Variants in USP34 observed in about 807,000 individuals in gnomAD.
USP34 encodes the protein ubiquitin carboxyl-terminal hydrolase 34.
In USP34, 70 loss-of-function variants were observed where a neutral mutation model predicts 460.3. That is an observed-to-expected ratio of 0.15 (90% CI 0.13 to 0.19). The LOEUF is 0.19. USP34 is among the 10% of genes least tolerant of loss of function. The pLI is 1.00. For synonymous variants in USP34, 1,647 were observed against 1,405.3 expected, an observed-to-expected ratio of 1.17 and a Z score of -3.85; for missense variants, 3,985 against 4,236.2, an observed-to-expected ratio of 0.94 and a Z score of 1.65.
At chr2:61,224,104 G>A (rs190049862) in intron 62 of USP34, among the ~76,000 whole-genome samples, 47 of 152,192 alleles carry the variant, frequency 3.1e-4, no homozygotes, top group Middle Eastern at 3.4e-3. Flanking sequence ...AATATCCAGC[G>A]TACACATTTC....
chr2:61,339,306 A>G (rs1691517976), intron 18 of USP34, 45 bp downstream of exon 18: 1 of 1,582,206 alleles, frequency 6.3e-7, no homozygotes, highest in Non-Finnish European at 8.6e-7. Context: ...CCCCACACCC[A>G]AATACTTTGA....
rs1173745320 is a variant in USP34 at position 61,378,405 on chromosome 2, T to C, written c.1034A>G (p.Asn345Ser). 16 of 1,594,486 alleles carry C rather than the reference T, an allele frequency of 1.0e-5. No homozygotes were observed. Among genetic ancestry groups the C allele is most frequent in the African/African-American group, 2.7e-5 (2 of 73,828 alleles). Residue 345 changes from asparagine to serine, a missense_variant, in exon 8 of 80, where the codon AAT becomes AGT. By Grantham distance (46) the Asn-to-Ser change is conservative. Around this residue, in one of 14 missense-constraint regions of USP34, gnomAD observed 716 missense variants for 626.2 expected, o/e 1.14. Coordinates refer to ENST00000398571, the MANE Select transcript of USP34 (RefSeq NM_014709.4). ...TAATGATTCATTATTGCACACATCA[T>C]TGAAGGTATGGAGTTGATTCTATGA... Reference protein sequence around the residue: ...SQITNQLHTFNDVCNNESLVS... With the variant: ...SQITNQLHTFSDVCNNESLVS...
At chr2:61,292,398 C>T (rs1689884838) in intron 33 of USP34, among the ~76,000 whole-genome samples, 1 of 152,062 alleles carries the variant, frequency 6.6e-6, no homozygotes, top group Non-Finnish European at 1.5e-5. Flanking sequence ...TACAATAAGC[C>T]ACATATTGGC....
At position 61,319,538 on chromosome 2, in the gene USP34, TAA is replaced by T. The variant is rs11361640; in HGVS notation, c.3014-213_3014-212del. Among the ~76,000 whole-genome samples, 668 of 146,514 alleles carry T rather than the reference TAA, an allele frequency of 4.6e-3. 2 individuals carry two copies. The highest frequency in any genetic ancestry group is 0.011 in the African/African-American group (443 of 39,988). Reference sequence around the variant, plus strand: ...TATGTTCCTACAGCATATTTATGATTAAAAAAAAAAAAAAGAATCACAGCAGC... The same window carrying T: ...TATGTTCCTACAGCATATTTATGATTAAAAAAAAAAAAGAATCACAGCAGC... On this transcript the variant is annotated intron_variant, in intron 21 of 79. Coordinates refer to ENST00000398571, the MANE Select transcript of USP34 (RefSeq NM_014709.4).
intron 10 of USP34, among the ~76,000 whole-genome samples, chr2:61,365,350 T>C (rs1009731392): frequency 6.6e-6 from 1 of 152,048 alleles, no homozygotes; most frequent in Admixed American, 6.5e-5. Flanking sequence ...TATGTATGTA[T>C]GTATGCCTTC....
intron 10 of USP34, among the ~76,000 whole-genome samples, chr2:61,360,143 A>C (rs1332004602): frequency 2.0e-5 from 3 of 149,598 alleles, no homozygotes; most frequent in African/African-American, 4.9e-5. Context: ...TCTAAGATCC[A>C]GGAAAGGCAA....
chr2:61,287,903 C>T (rs760630032), intron 34 of USP34, among the ~76,000 whole-genome samples: 2 of 152,126 alleles, frequency 1.3e-5, no homozygotes, highest in Non-Finnish European at 2.9e-5. Flanking sequence ...TCTCCAAATC[C>T]ACCCTTTTAT....
chr2:61,315,859 A>T (rs528078738), intron 23 of USP34, among the ~76,000 whole-genome samples: 1 of 152,208 alleles, frequency 6.6e-6, no homozygotes, highest in East Asian at 1.9e-4. Context: ...AACTTATTTC[A>T]TAACAGAGCA....
chr2:61,224,502 C>A (rs1389613552), intron 62 of USP34, among the ~76,000 whole-genome samples: 1 of 152,206 alleles, frequency 6.6e-6, no homozygotes, highest in African/African-American at 2.4e-5. Flanking sequence ...ATCATTTCAT[C>A]TGGGATTCCA....
intron 33 of USP34, 145 bp from the exon 34 acceptor site, chr2:61,289,022 T>C: frequency 2.6e-6 from 2 of 769,614 alleles, no homozygotes; most frequent in East Asian, 2.7e-5. Flanking sequence ...TGCTCAAATA[T>C]TATGGTCAGT....
At chr2:61,441,255 G>C (rs955782360) in intron 1 of USP34, among the ~76,000 whole-genome samples, 2 of 150,738 alleles carry the variant, frequency 1.3e-5, no homozygotes, top group East Asian at 1.9e-4. Flanking sequence ...CTCCTGCCTC[G>C]GCCTCCCAAA....
chr2:61,461,429 C>G (rs764364339), intron 1 of USP34, among the ~76,000 whole-genome samples: 2 of 151,372 alleles, frequency 1.3e-5, no homozygotes, highest in Non-Finnish European at 2.9e-5. Context: ...ACACTGAAAT[C>G]TGAAATACAG....
At chr2:61,274,507 A>G (rs1689315478) in intron 41 of USP34, among the ~76,000 whole-genome samples, 1 of 152,186 alleles carries the variant, frequency 6.6e-6, no homozygotes, top group African/African-American at 2.4e-5. Context: ...AAAATATTCT[A>G]CAAATTAGTT....
chr2:61,348,208 A>G lies in USP34; in HGVS notation c.1947T>C (p.Ser649=). The change falls in exon 15 of 80, where the codon AGT becomes AGC. Residue 649 remains serine, a synonymous_variant. Transcript: ENST00000398571. ...AGTCCCCCAGGCAAATGCCTGCTTG[A>G]CTCTCTAACTTTCTATTCCGAAGAT... ...GTDLRNRKLE[S]QAGICLGDSQ... 1 of 1,613,756 alleles carries G rather than the reference A, an allele frequency of 6.2e-7. No individual in the cohort carries two copies. The highest frequency in any genetic ancestry group is 1.6e-4 in the Middle Eastern group (1 of 6,062).
At chr2:61,196,069 ATTTTTTTTTTTTTTTT>A (rs71403398) in intron 75 of USP34, among the ~76,000 whole-genome samples, 2 of 41,576 alleles carry the variant, frequency 4.8e-5, no homozygotes, top group Non-Finnish European at 8.1e-5. Context: ...ACCATGCACG[ATTTTTTTTTTTTTTTT>A]TTTTTTTTTT....
chr2:61,462,861 C>CAAAAAAAA (rs11302669), intron 1 of USP34, among the ~76,000 whole-genome samples: 1 of 110,080 alleles, frequency 9.1e-6, no homozygotes, highest in African/African-American at 3.4e-5. Context: ...AACTGTTTCC[C>CAAAAAAAA]AAAAAAAAAA....
At chr2:61,210,728 C>CT (rs1468383822) in intron 69 of USP34, among the ~76,000 whole-genome samples, 3 of 151,310 alleles carry the variant, frequency 2.0e-5, no homozygotes, top group Admixed American at 1.3e-4. Flanking sequence ...TCTTTTTTTT[C>CT]TTTTTTTGAG....
chr2:61,200,762 C>G (rs771043941), intron 75 of USP34: 1 of 152,030 alleles, frequency 6.6e-6, no homozygotes, highest in Non-Finnish European at 1.5e-5. Flanking sequence ...TTAAAATTCT[C>G]TACCAACTCT....
chr2:61,225,311 A>C (rs1687695609), intron 62 of USP34, among the ~76,000 whole-genome samples: 1 of 152,162 alleles, frequency 6.6e-6, no homozygotes, highest in African/African-American at 2.4e-5. Flanking sequence ...TAATACTTTC[A>C]GAATAATACT....
Sources: gnomAD v4.1 joint callset for allele counts (sites outside exome capture counted in the v4.1 genomes callset) on GRCh38, gnomAD v4.1.1 for gene constraint, gnomAD v4.1.1 regional missense constraint, MANE v1.5 for transcripts, NCBI Gene and HGNC (gene_info 2026-07-23, HGNC 2026-07-21) for gene names.